The following COL11A2 variants were observed in gnomAD, a reference collection of about 807,000 sequenced individuals.
COL11A2 encodes the protein collagen alpha-2(XI) chain.
In COL11A2, 116 loss-of-function variants were observed where a neutral mutation model predicts 273.4. The observed-to-expected ratio is 0.42, with a 90% CI of 0.36 to 0.49. The LOEUF (loss-of-function observed/expected upper bound fraction) is 0.49, where lower values mean the gene tolerates loss of function less well. Among genes scored for constraint, COL11A2 ranks in the 20% least tolerant of loss-of-function variants. The pLI, the probability that COL11A2 is intolerant of heterozygous loss-of-function variation, is 0.00. For synonymous variants in COL11A2, 782 were observed against 864.2 expected, an observed-to-expected ratio of 0.90 and a Z score of 1.67; for missense variants, 1,866 against 2,309.0, an observed-to-expected ratio of 0.81 and a Z score of 3.93.
Position 33,173,341 on chromosome 6 carries a change from C to G in COL11A2, c.2736+7G>C. On this transcript the variant is annotated splice_region_variant and intron_variant, in intron 37 of 65. Transcript: ENST00000341947. The surrounding 1 kb of genome is among the most constrained non-coding windows in gnomAD (Gnocchi z 6.3). The stretch of plus-strand genomic sequence containing the variant: ...CCTGAGAATGGGTAGCCAGGAGCAT[C>G]ACTCACCACTTCTCCTCTTTGGCCT... 6.2e-7 allele frequency: 1 copy of G among 1,611,936 alleles called. No homozygotes were observed. The highest frequency in any genetic ancestry group is 8.5e-7 in the Non-Finnish European group (1 of 1,179,928).
At position 33,189,482 on chromosome 6, in the gene COL11A2, A is replaced by T; in HGVS notation, c.83-13T>A. 6.2e-7 allele frequency: 1 copy of T among 1,612,948 alleles called. No homozygotes were observed. Among genetic ancestry groups the T allele is most frequent in the Non-Finnish European group, 8.5e-7 (1 of 1,179,930 alleles). On this transcript the variant is annotated splice_polypyrimidine_tract_variant and intron_variant, in intron 1 of 65. Transcript: ENST00000341947. This position sits in a 1 kb window ranked among gnomAD's most constrained non-coding sequence, Gnocchi z 5.6. ...ACAGGGGGTGCACCTGGGAGAGTCC[A>T]TGATTATCAGGAGAAGGGACATGCC...
Position 33,170,491 on chromosome 6 carries a change from G to A in COL11A2, c.3528+66C>T, listed in dbSNP as rs45625232. On this transcript the variant is annotated intron_variant, in intron 47 of 65. Coordinates refer to ENST00000341947, the MANE Select transcript of COL11A2 (RefSeq NM_080680.3). This position sits in a 1 kb window ranked among gnomAD's most constrained non-coding sequence, Gnocchi z 4.3. ...CCAGGGAGTTGGCAGTGGGGTGTGG[G>A]GTGGGGGCTGGCCAGGGAGGGGGGT... 3 of 1,584,088 alleles carry A rather than the reference G, an allele frequency of 1.9e-6. No individual in the cohort carries two copies. Among genetic ancestry groups the A allele is most frequent in the Non-Finnish European group, 1.7e-6 (2 of 1,158,128 alleles).
At position 33,181,123 on chromosome 6, in the gene COL11A2, T is replaced by G; in HGVS notation, c.1167A>C (p.Ala389=). The part of the protein sequence containing the change: ...RGLKGEKGEP[A]VLEPGMLVEG... ...CAGCATAACTTACAGGTTCCAACAC[T>G]GCAGGCTCTCCTTTCTCTCCCTTCA... The change falls in exon 9 of 66, where the codon GCA becomes GCC. Residue 389 remains alanine, a synonymous_variant. Coordinates refer to ENST00000341947, the MANE Select transcript of COL11A2 (RefSeq NM_080680.3). 6.2e-7 allele frequency: 1 copy of G among 1,614,156 alleles called. No homozygotes were observed. The highest frequency in any genetic ancestry group is 2.2e-5 in the East Asian group (1 of 44,878).
chr6:33,188,195 TCTC>T (rs1176775202), intron 4 of COL11A2, among the ~76,000 whole-genome samples, 164 bp downstream of exon 4: 5 of 151,644 alleles, frequency 3.3e-5, no homozygotes, highest in Non-Finnish European at 7.4e-5. Context: ...GGCATCTAGT[TCTC>T]CTGCAGAGAA....
At position 33,167,517 on chromosome 6, in the gene COL11A2, A is replaced by C. The variant is rs1274182615; in HGVS notation, c.4031T>G (p.Ile1344Arg). ...GKGAKGDPGA[I>R]GAPGKTGPVG... ...CGGGCCTGTCTTCCCCGGGGCACCT[A>C]TAGCGCCAGGATCTCCCTGAAACAC... is the stretch of plus-strand genomic sequence containing the variant. Residue 1344 changes from isoleucine (I) to arginine (R), a missense_variant, in exon 56 of 66, where the codon ATA (isoleucine) becomes AGA (arginine). Coordinates refer to ENST00000341947, the MANE Select transcript of COL11A2 (RefSeq NM_080680.3). This position sits in a 1 kb window ranked among gnomAD's most constrained non-coding sequence, Gnocchi z 6.1. The C allele has an allele frequency of 1.2e-6, 2 of 1,612,834 alleles. No individual in the cohort carries two copies. The highest frequency in any genetic ancestry group is 1.7e-5 in the Admixed American group (1 of 60,026).
chr6:33,186,393 G>A (rs975903853), intron 5 of COL11A2: 1 of 1,425,268 alleles, frequency 7.0e-7, no homozygotes, highest in Middle Eastern at 2.6e-4. Context: ...CACAGTTCCA[G>A]GAAGACTGGA....
Position 33,174,548 on chromosome 6 carries a change from A to T in COL11A2, c.2409T>A (p.Tyr803Ter). 3 of 1,612,668 alleles carry T rather than the reference A, an allele frequency of 1.9e-6. No individual in the cohort carries two copies. Among genetic ancestry groups the T allele is most frequent in the Non-Finnish European group, 2.5e-6 (3 of 1,179,942 alleles). The change falls in exon 31 of 66, where the codon TAT (tyrosine) becomes TAA (stop). Residue 803 changes from tyrosine (Y) to a stop codon, truncating the protein, a stop_gained. Transcript: ENST00000341947. LOFTEE classifies it high-confidence loss of function. ...GKLGVPGLPGYPGRQGPKGSL... is the reference protein window; with the variant it reads ...GKLGVPGLPG ...TCACCTTGGGTCCCTGACGTCCAGG[A>T]TAGCCAGGCAGACCAGGAACACCCA...
chr6:33,188,576 G>A (rs761238856), intron 3 of COL11A2, 52 bp from the exon 4 acceptor site: 1 of 1,606,716 alleles, frequency 6.2e-7, no homozygotes, highest in South Asian at 1.1e-5. Flanking sequence ...TGAAGTAGGG[G>A]AGTCAACATG....
rs1768591485 is a variant in COL11A2, at chr6:33,163,231, A to G, written c.*447T>C. 2 of 212,228 alleles carry G rather than the reference A, an allele frequency of 9.4e-6. No individual in the cohort carries two copies. Among genetic ancestry groups the G allele is most frequent in the Non-Finnish European group, 1.9e-5 (2 of 104,042 alleles). The allele number at this position is 212,228 out of a possible 1,614,324, so 13.1% of individuals were successfully genotyped here. A position where few individuals can be genotyped will look rare whatever the true frequency, so the allele number is the denominator to read the frequency against. On this transcript the variant is annotated 3_prime_UTR_variant, in exon 66 of 66. Coordinates refer to ENST00000341947, the MANE Select transcript of COL11A2 (RefSeq NM_080680.3). The surrounding 1 kb of genome is among the most constrained non-coding windows in gnomAD (Gnocchi z 4.1). ...AGTCACTGAGGAAAGTCCTGACTCC[A>G]GGATGTGGGTGCCGGAGCCCACCCC... is the stretch of plus-strand genomic sequence containing the variant.
rs1769737791 is a variant in COL11A2 at position 33,169,572 on chromosome 6, G to A, written c.3691-82C>T. The A allele has an allele frequency of 7.3e-7, 1 of 1,366,244 alleles. No homozygotes were observed. The highest frequency in any genetic ancestry group is 1.0e-6 in the Non-Finnish European group (1 of 965,820). 84.6% of individuals were successfully genotyped at this position (1,366,244 alleles called of 1,614,324 possible). A position where few individuals can be genotyped will look rare whatever the true frequency, so the allele number is the denominator to read the frequency against. On this transcript the variant is annotated intron_variant, in intron 50 of 65. Coordinates refer to ENST00000341947, the MANE Select transcript of COL11A2 (RefSeq NM_080680.3). This position sits in a 1 kb window ranked among gnomAD's most constrained non-coding sequence, Gnocchi z 5.5. ...AGCCTCTGCTTCCGAGACACCTTCA[G>A]CCATCCCCTACTCCCCTCAGTGACA...
chr6:33,183,998 A>C (rs550959065), intron 8 of COL11A2, 147 bp downstream of exon 8: 18 of 618,138 alleles, frequency 2.9e-5, no homozygotes, highest in East Asian at 6.6e-5. Context: ...CTTTTCAAGC[A>C]ACATATACAT....
intron 1 of COL11A2, among the ~76,000 whole-genome samples, chr6:33,191,091 T>G (rs948787361): frequency 6.6e-6 from 1 of 152,062 alleles, no homozygotes; most frequent in Non-Finnish European, 1.5e-5. Context: ...GCCCCTGAAA[T>G]AAGAAACAGT....
rs2150520593 is a variant in COL11A2, at chr6:33,166,314, G to A, written c.4393-108C>T. On this transcript the variant is annotated intron_variant, in intron 60 of 65. Coordinates refer to ENST00000341947, the MANE Select transcript of COL11A2 (RefSeq NM_080680.3). The surrounding 1 kb of genome is among the most constrained non-coding windows in gnomAD (Gnocchi z 4.8). ...CCACAGGAGCCTCGGGTTACTACAG[G>A]AGGGGCAGTCTTGTGGGAATACTAG... The A allele has an allele frequency of 7.0e-7, 1 of 1,426,012 alleles. No homozygotes were observed. The highest frequency in any genetic ancestry group is 2.1e-5 in the Admixed American group (1 of 47,966). 88.3% of individuals were successfully genotyped at this position (1,426,012 alleles called of 1,614,324 possible). A position where few individuals can be genotyped will look rare whatever the true frequency, so the allele number is the denominator to read the frequency against.
At position 33,185,733 on chromosome 6, in the gene COL11A2, C is replaced by T. The variant is rs146432857; in HGVS notation, c.844G>A (p.Val282Met). ...TCAGGGGTTGTCCCCGTAGTCATCACATCATAATAGGGGGGCTCGTAGTCA... is the reference window on the plus strand; with the variant it reads ...TCAGGGGTTGTCCCCGTAGTCATCATATCATAATAGGGGGGCTCGTAGTCA... ...YYDYEPPYYDVMTTGTTPDYQ... is the reference protein window; with the variant it reads ...YYDYEPPYYDMMTTGTTPDYQ... The change falls in exon 6 of 66, where the codon GTG (valine) becomes ATG (methionine). Residue 282 changes from valine to methionine, a missense_variant. Physicochemically the swap from Val to Met is conservative, Grantham distance 21. Coordinates refer to ENST00000341947, the MANE Select transcript of COL11A2 (RefSeq NM_080680.3). The T allele has an allele frequency of 5.9e-6, 8 of 1,359,250 alleles. No homozygotes were observed. The African/African-American group carries it at 6.1e-5, about 10-fold the overall frequency. The allele number at this position is 1,359,250 out of a possible 1,614,324, so 84.2% of individuals were successfully genotyped here. A position where few individuals can be genotyped will look rare whatever the true frequency, so the allele number is the denominator to read the frequency against.
chr6:33,174,095 G>C (rs746127628), intron 32 of COL11A2, 40 bp from the exon 33 acceptor site: 1 of 1,612,962 alleles, frequency 6.2e-7, no homozygotes, highest in Non-Finnish European at 8.5e-7. Flanking sequence ...CCCAGGGTGA[G>C]ACTCCCCACA....
intron 44 of COL11A2, 30 bp downstream of exon 44, chr6:33,171,241 A>C (rs768480495): frequency 1.2e-6 from 2 of 1,614,128 alleles, no homozygotes; most frequent in South Asian, 2.2e-5. Flanking sequence ...AAAGGCCAGG[A>C]GGTCAGAAGT....
At position 33,164,738 on chromosome 6, in the gene COL11A2, G is replaced by T; in HGVS notation, c.4863+114C>A. ...AGAGCTAAGAAGTGGAGAAGGGGTG[G>T]CAGGCTCCGGGGGGGGCAACAGCCA... On this transcript the variant is annotated intron_variant, in intron 64 of 65. Coordinates refer to ENST00000341947, the MANE Select transcript of COL11A2 (RefSeq NM_080680.3). The surrounding 1 kb of genome is among the most constrained non-coding windows in gnomAD (Gnocchi z 4.7). 1.1e-6 allele frequency: 1 copy of T among 876,386 alleles called. No individual in the cohort carries two copies. The highest frequency in any genetic ancestry group is 1.8e-6 in the Non-Finnish European group (1 of 550,704). The allele number at this position is 876,386 out of a possible 1,614,324, so 54.3% of individuals were successfully genotyped here.
upstream of COL11A2, chr6:33,192,490 A>G (rs1299170351): frequency 1.8e-6 from 1 of 561,324 alleles, no homozygotes; most frequent in African/African-American, 2.0e-5. Context: ...CCTGGCGCCC[A>G]GAGCCCCCAC....
rs1411592760 is a variant in COL11A2 at position 33,192,264 on chromosome 6, T to A, written c.-24A>T. 1 of 1,550,688 alleles carries A rather than the reference T, an allele frequency of 6.4e-7. No homozygotes were observed. The highest frequency in any genetic ancestry group is 8.7e-7 in the Non-Finnish European group (1 of 1,147,410). On this transcript the variant is annotated 5_prime_UTR_variant, in exon 1 of 66. Coordinates refer to ENST00000341947, the MANE Select transcript of COL11A2 (RefSeq NM_080680.3). ...ATGGCTGAGAAGCCGAAACGCCGGG[T>A]CCCAGGGACCCAGGTCGGCCTGAGA...
Sources: gnomAD v4.1 joint callset for allele counts (sites outside exome capture counted in the v4.1 genomes callset) on GRCh38, gnomAD v4.1.1 for gene constraint, Gnocchi (gnomAD v3.1) non-coding constraint, MANE v1.5 for transcripts, NCBI Gene and HGNC (gene_info 2026-07-23, HGNC 2026-07-21) for gene names.